SGCZ: variants seen among roughly 807,000 people sequenced by gnomAD.
SGCZ encodes sarcoglycan zeta.
In SGCZ, 40 loss-of-function variants were observed where a neutral mutation model predicts 41.3. That is an observed-to-expected ratio of 0.97 (90% CI 0.75 to 1.26). The LOEUF (loss-of-function observed/expected upper bound fraction) is 1.26, where lower values mean the gene tolerates loss of function less well. SGCZ is among the 50% of genes most tolerant of loss of function. SGCZ has a pLI of 0.00. For synonymous variants in SGCZ, 206 were observed against 137.5 expected (o/e 1.50, Z -3.49); for missense variants, 552 against 369.8 (o/e 1.49, Z -4.04).
intron 1 of SGCZ, among the ~76,000 whole-genome samples, chr8:14,799,378 G>C (rs1266429837): frequency 6.6e-6 from 1 of 152,102 alleles, no homozygotes; most frequent in Non-Finnish European, 1.5e-5. Context: ...AAAAAGGCAA[G>C]ACAGAATTTG....
Position 14,113,357 on chromosome 8 carries a change from T to C in SGCZ, c.548-5122A>G, listed in dbSNP as rs1306957371. ...TAGGGTTTACTGCCTGTAGTACTTG[T>C]CTTTAAACTACCATATCTATTCTTA... On this transcript the variant is annotated intron_variant, in intron 5 of 7. Coordinates refer to ENST00000382080, the MANE Select transcript of SGCZ (RefSeq NM_139167.4). 2.0e-5 allele frequency among the ~76,000 whole-genome samples: 3 copies of C among 152,152 alleles called. No homozygotes were observed. The East Asian group carries it at 5.8e-4, about 29-fold the overall frequency.
intron 1 of SGCZ, among the ~76,000 whole-genome samples, chr8:14,928,874 C>T (rs113951248): frequency 1.3e-5 from 2 of 152,104 alleles, no homozygotes; most frequent in African/African-American, 4.8e-5. Flanking sequence ...GGATAATGTG[C>T]CTATTATACC....
Position 14,306,043 on chromosome 8 carries a change from A to C in SGCZ, c.336+18060T>G, listed in dbSNP as rs139864834. Among the ~76,000 whole-genome samples the C allele has an allele frequency of 7.1e-3, 1,074 of 152,292 alleles. 15 individuals are homozygous for C. The highest frequency in any genetic ancestry group is 0.025 in the African/African-American group (1,026 of 41,570). On this transcript the variant is annotated intron_variant, in intron 3 of 7. Transcript: ENST00000382080. ...AGGTCACTTTGTGTAAACAAGGAAAACTGCCTACTAAACAAAGTTGACAAA... is the reference window on the plus strand; with the variant it reads ...AGGTCACTTTGTGTAAACAAGGAAACCTGCCTACTAAACAAAGTTGACAAA...
chr8:14,325,747 C>CACACACACACATATAT (rs1802079598), intron 2 of SGCZ, among the ~76,000 whole-genome samples: 1 of 69,460 alleles, frequency 1.4e-5, no homozygotes, highest in Non-Finnish European at 3.1e-5. Context: ...CACACACACA[C>CACACACACACATATAT]ATATATATAT....
At chr8:14,424,494 G>C (rs943790880) in intron 2 of SGCZ, among the ~76,000 whole-genome samples, 4 of 152,072 alleles carry the variant, frequency 2.6e-5, no homozygotes, top group Non-Finnish European at 5.9e-5. Flanking sequence ...TTCTCTGTGA[G>C]TATATTGCAA....
At chr8:14,162,108 G>A (rs554823880) in intron 5 of SGCZ, among the ~76,000 whole-genome samples, 2 of 152,122 alleles carry the variant, frequency 1.3e-5, no homozygotes, top group Non-Finnish European at 2.9e-5. Context: ...ATGGCATCGG[G>A]GCTACTAAGC....
chr8:14,293,777 C>T (rs183421278), intron 3 of SGCZ, among the ~76,000 whole-genome samples: 134 of 151,990 alleles, frequency 8.8e-4, no homozygotes, highest in Non-Finnish European at 1.3e-3. Flanking sequence ...CATTTTCCAA[C>T]TTTGTCCCTT....
intron 5 of SGCZ, among the ~76,000 whole-genome samples, chr8:14,143,446 A>C (rs892935809): frequency 6.6e-6 from 1 of 152,242 alleles, no homozygotes; most frequent in Admixed American, 6.5e-5. Context: ...AATTTTCTAT[A>C]ACTCATAAAT....
intron 1 of SGCZ, among the ~76,000 whole-genome samples, chr8:14,656,706 T>G (rs1272620845): frequency 2.0e-5 from 3 of 151,544 alleles, no homozygotes; most frequent in Non-Finnish European, 4.4e-5. Flanking sequence ...TCTTTCTTTC[T>G]CCACTGGAAT....
chr8:14,246,302 C>T (rs372533659), intron 3 of SGCZ, among the ~76,000 whole-genome samples: 5 of 152,000 alleles, frequency 3.3e-5, no homozygotes, highest in Non-Finnish European at 5.9e-5. Flanking sequence ...TGTAGGGACA[C>T]GGATGAAACT....
intron 1 of SGCZ, among the ~76,000 whole-genome samples, chr8:15,150,813 G>C (rs1258929414): frequency 6.6e-6 from 1 of 152,152 alleles, no homozygotes; most frequent in Non-Finnish European, 1.5e-5. Flanking sequence ...CTAAGGCTGT[G>C]GTTTTTTTGT....
At chr8:15,157,065 C>A (rs1799353461) in intron 1 of SGCZ, among the ~76,000 whole-genome samples, 1 of 151,864 alleles carries the variant, frequency 6.6e-6, no homozygotes, top group South Asian at 2.1e-4. Context: ...GAACAGTGAA[C>A]CTCCAATTTA....
At chr8:14,201,577 G>A (rs12155959) in intron 4 of SGCZ, among the ~76,000 whole-genome samples, 10 of 152,076 alleles carry the variant, frequency 6.6e-5, no homozygotes, top group Non-Finnish European at 2.9e-5. Context: ...ACAGATTTAC[G>A]TATTTCAGAA....
At chr8:14,893,922 G>A (rs1010590728) in intron 1 of SGCZ, among the ~76,000 whole-genome samples, 2 of 152,134 alleles carry the variant, frequency 1.3e-5, no homozygotes, top group African/African-American at 2.4e-5. Flanking sequence ...TTTATTATTA[G>A]AGCATATGAC....
intron 1 of SGCZ, among the ~76,000 whole-genome samples, chr8:14,715,217 C>A (rs1351707030): frequency 6.6e-6 from 1 of 151,988 alleles, no homozygotes; most frequent in African/African-American, 2.4e-5. Flanking sequence ...CAATGGAAAT[C>A]AAATCATCAT....
intron 3 of SGCZ, among the ~76,000 whole-genome samples, chr8:14,300,321 CAA>C (rs1424164296): frequency 6.7e-6 from 1 of 148,910 alleles, no homozygotes; most frequent in East Asian, 2.0e-4. Context: ...AAGGAAAGAA[CAA>C]AGAGAGAGAC....
intron 7 of SGCZ, among the ~76,000 whole-genome samples, chr8:14,101,660 C>T (rs931245293): frequency 9.5e-5 from 12 of 126,644 alleles, no homozygotes; most frequent in African/African-American, 2.8e-4. Context: ...AATATCATTC[C>T]TAAACAGTAA....
At chr8:14,930,636 C>T (rs1420891527) in intron 1 of SGCZ, among the ~76,000 whole-genome samples, 4 of 152,006 alleles carry the variant, frequency 2.6e-5, no homozygotes, top group Admixed American at 2.6e-4. Flanking sequence ...CACATATACA[C>T]CATGGAATAC....
intron 1 of SGCZ, among the ~76,000 whole-genome samples, chr8:15,158,799 A>C (rs1799410849): frequency 6.6e-6 from 1 of 152,242 alleles, no homozygotes; most frequent in South Asian, 2.1e-4. Flanking sequence ...GGAGACCCAG[A>C]GTGACAAAGA....
Sources: allele counts gnomAD v4.1 joint callset (sites outside exome capture counted in the v4.1 genomes callset), GRCh38; gene constraint gnomAD v4.1.1; transcripts MANE v1.5; gene names NCBI Gene and HGNC (gene_info 2026-07-23, HGNC 2026-07-21).